SRBD1: variants seen among roughly 807,000 people sequenced by gnomAD.
The protein encoded by SRBD1 is S1 RNA binding domain 1.
SRBD1 carries 88 observed loss-of-function variants against 115.3 expected under a neutral mutation model. The ratio of observed to expected loss-of-function variants is 0.76; its 90% CI spans 0.64 to 0.91. The LOEUF is 0.91. Ranked by LOEUF, SRBD1 falls within the 40% of genes least tolerant of loss-of-function variation. SRBD1 has a pLI of 0.00. For synonymous variants in SRBD1, 509 were observed against 407.7 expected (o/e 1.25, Z -2.99); for missense variants, 1,385 against 1,177.4 (o/e 1.18, Z -2.58).
At chr2:45,459,385 C>A (rs1334076592) in intron 16 of SRBD1, among the ~76,000 whole-genome samples, 3 of 152,176 alleles carry the variant, frequency 2.0e-5, no homozygotes, top group Admixed American at 6.5e-5. Flanking sequence ...GCCACTCTCT[C>A]TGATCCTTTG....
At chr2:45,444,111 T>A (rs975824396) in intron 16 of SRBD1, among the ~76,000 whole-genome samples, 5 of 152,108 alleles carry the variant, frequency 3.3e-5, no homozygotes, top group Admixed American at 3.3e-4. Context: ...CAGAACATAT[T>A]AATATTTATA....
In SRBD1 at chr2:45,579,903, C is replaced by T. The variant is rs142475514; in HGVS notation, c.1044G>A (p.Leu348=). The T allele has an allele frequency of 6.2e-7, 1 of 1,607,424 alleles. No individual in the cohort carries two copies. The highest frequency in any genetic ancestry group is 8.5e-7 in the Non-Finnish European group (1 of 1,177,338). Residue 348 remains leucine (L), a synonymous_variant, in exon 7 of 21, where the codon CTG becomes CTA. Transcript: ENST00000263736. ...ALLEKPGELS[L]LSYIRPDVKG... is the part of the protein sequence containing the mutation. ...TAACGTCAGGCCTAATGTACGATAG[C>T]AGACTGAGCTCCCCTGGTTTCTCAA... is the stretch of plus-strand genomic sequence containing the variant.
Position 45,562,749 on chromosome 2 carries a change from G to A in SRBD1, c.1313C>T (p.Ala438Val). Residue 438 changes from alanine to valine, a missense_variant, in exon 10 of 21, where the codon GCA becomes GTA. Physicochemically the swap from Ala to Val is moderately conservative, Grantham distance 64. Coordinates refer to ENST00000263736, the MANE Select transcript of SRBD1 (RefSeq NM_018079.5). The stretch of plus-strand genomic sequence containing the variant: ...CTTCAAATTTTCTCCACGGTTAATT[G>A]CCAGAATCTGAGTGCAAACATAAGG... ...IRNIHHHQIL[A>V]INRGENLKVL... is the part of the protein sequence containing the mutation. 6.2e-7 allele frequency: 1 copy of A among 1,603,896 alleles called. No individual in the cohort carries two copies. Among genetic ancestry groups the A allele is most frequent in the Non-Finnish European group, 8.5e-7 (1 of 1,176,698 alleles).
At chr2:45,469,840 C>T (rs1019265591) in intron 16 of SRBD1, among the ~76,000 whole-genome samples, 9 of 152,088 alleles carry the variant, frequency 5.9e-5, no homozygotes, top group African/African-American at 2.2e-4. Flanking sequence ...CTCATAATAC[C>T]CTGTAAAGCA....
intron 15 of SRBD1, among the ~76,000 whole-genome samples, chr2:45,479,755 C>T (rs1399752895): frequency 6.6e-6 from 1 of 152,200 alleles, no homozygotes; most frequent in Non-Finnish European, 1.5e-5. Flanking sequence ...CTACAATAAA[C>T]AGCAGATTGT....
chr2:45,516,265 T>C (rs959375087), intron 14 of SRBD1, among the ~76,000 whole-genome samples: 5 of 152,180 alleles, frequency 3.3e-5, no homozygotes, highest in African/African-American at 9.6e-5. Flanking sequence ...CACTATTACT[T>C]TTCGAAAATA....
intron 12 of SRBD1, among the ~76,000 whole-genome samples, chr2:45,547,875 A>G (rs542324434): frequency 1.4e-4 from 22 of 152,326 alleles, no homozygotes; most frequent in African/African-American, 5.3e-4. Context: ...AATGGTTTTC[A>G]CTAACATCTA....
chr2:45,524,297 C>T (rs1053515340), intron 14 of SRBD1, among the ~76,000 whole-genome samples: 2 of 151,888 alleles, frequency 1.3e-5, no homozygotes. Context: ...AAGCTTCTAG[C>T]TATGGTAATT....
At chr2:45,610,709 C>T (rs578049403) in intron 1 of SRBD1, among the ~76,000 whole-genome samples, 3 of 152,290 alleles carry the variant, frequency 2.0e-5, no homozygotes, top group African/African-American at 7.2e-5. Flanking sequence ...GACAGGGCCA[C>T]CATGACCGTG....
intron 1 of SRBD1, among the ~76,000 whole-genome samples, chr2:45,606,774 C>G (rs551787416): frequency 5.3e-5 from 8 of 152,248 alleles, no homozygotes; most frequent in East Asian, 1.9e-4. Context: ...TAATAAAGGA[C>G]TTTATAAGTG....
At chr2:45,569,109 TCA>T (rs1491299866) in intron 9 of SRBD1, 1 of 145,422 alleles carries the variant, frequency 6.9e-6, no homozygotes. Flanking sequence ...GTGGGATAAT[TCA>T]CACTCTTCAT....
intron 19 of SRBD1, among the ~76,000 whole-genome samples, chr2:45,398,974 G>A (rs560082125): frequency 1.3e-5 from 2 of 151,970 alleles, no homozygotes; most frequent in Non-Finnish European, 2.9e-5. Flanking sequence ...CATCTAAACT[G>A]TTGTAGGAAC....
Position 45,546,848 on chromosome 2 carries a change from C to A in SRBD1, c.1767-9G>T. The A allele has an allele frequency of 6.2e-7, 1 of 1,613,106 alleles. No homozygotes were observed. The highest frequency in any genetic ancestry group is 8.5e-7 in the Non-Finnish European group (1 of 1,179,186). Reference sequence around the variant, plus strand: ...TCACTACTGTGCTGCAGCTTCAAGGCAGAAACAGAATGACAAACTGAATTT... The same window carrying A: ...TCACTACTGTGCTGCAGCTTCAAGGAAGAAACAGAATGACAAACTGAATTT... On this transcript the variant is annotated splice_polypyrimidine_tract_variant and intron_variant, in intron 13 of 20. Coordinates refer to ENST00000263736, the MANE Select transcript of SRBD1 (RefSeq NM_018079.5).
chr2:45,606,115 T>C (rs1572834523), intron 1 of SRBD1, among the ~76,000 whole-genome samples: 1 of 151,644 alleles, frequency 6.6e-6, no homozygotes, highest in East Asian at 1.9e-4. Context: ...CAAAGTCCTT[T>C]ATTAAACTAT....
intron 16 of SRBD1, among the ~76,000 whole-genome samples, chr2:45,434,123 G>A (rs924199193): frequency 6.6e-6 from 1 of 152,212 alleles, no homozygotes; most frequent in Non-Finnish European, 1.5e-5. Context: ...CAGTATTTAA[G>A]CATCAGATTT....
chr2:45,516,575 A>T (rs6736954), intron 14 of SRBD1, among the ~76,000 whole-genome samples: 121,829 of 152,140 alleles, frequency 0.8, 49,570 homozygotes, highest in African/African-American at 0.93. Context: ...TACCCCTTGA[A>T]GGAAGTAGAG....
chr2:45,492,141 T>G (rs547206349), intron 14 of SRBD1, among the ~76,000 whole-genome samples: 191 of 152,218 alleles, frequency 1.3e-3, no homozygotes, highest in African/African-American at 4.5e-3. Context: ...AAGTTTTATC[T>G]TAGGTAAAAT....
rs577959998 is a variant in SRBD1, at chr2:45,512,650, A to C, written c.1875-24319T>G. ...GAGGATTCATGAAAATCTTAAACTG[A>C]ATTTTTATAAGTCAAAATCCATTTT... On this transcript the variant is annotated intron_variant, in intron 14 of 20. Transcript: ENST00000263736. Among the ~76,000 whole-genome samples the C allele has an allele frequency of 7.9e-5, 12 of 152,270 alleles. No individual in the cohort carries two copies. In the East Asian group the frequency reaches 2.1e-3, roughly 27 times the overall value.
Position 45,389,504 on chromosome 2 carries a change from A to G in SRBD1, c.2794T>C (p.Phe932Leu). The change falls in exon 21 of 21, where the codon TTT (phenylalanine) becomes CTT (leucine). Residue 932 changes from phenylalanine to leucine, a missense_variant. Phe to Leu is a conservative substitution (Grantham distance 22, BLOSUM62 0). Coordinates refer to ENST00000263736, the MANE Select transcript of SRBD1 (RefSeq NM_018079.5). ...LTGKVENATL[F>L]GIFVDIGVGK... ...ACTCCTATATCCACAAAAATTCCAA[A>G]GAGAGTGGCATTCTCAACTTTGCCT... The G allele has an allele frequency of 6.2e-7, 1 of 1,614,130 alleles. No individual in the cohort carries two copies.
Sources: gnomAD v4.1 joint callset for allele counts (sites outside exome capture counted in the v4.1 genomes callset) on GRCh38, gnomAD v4.1.1 for gene constraint, MANE v1.5 for transcripts, NCBI Gene and HGNC (gene_info 2026-07-23, HGNC 2026-07-21) for gene names.